HS3ST4: variants seen among roughly 807,000 people sequenced by gnomAD.
The protein encoded by HS3ST4 is heparan sulfate-glucosamine 3-sulfotransferase 4.
A neutral mutation model predicts 29.2 loss-of-function variants in HS3ST4; 17 were observed. That is an observed-to-expected ratio of 0.58 (90% CI 0.40 to 0.87). The LOEUF (loss-of-function observed/expected upper bound fraction) is 0.87, where lower values mean the gene tolerates loss of function less well. Ranked by LOEUF, HS3ST4 falls within the 40% of genes least tolerant of loss-of-function variation. The probability of loss-of-function intolerance (pLI) is 0.00; values close to 1 mark genes in which losing one functional copy is unlikely to be tolerated. For missense variants in HS3ST4, 627 were observed against 634.5 expected (o/e 0.99, Z 0.13); for synonymous variants, 314 against 285.7 (o/e 1.10, Z -1.00).
chr16:26,003,827 T>C (rs902493082), intron 1 of HS3ST4, among the ~76,000 whole-genome samples: 1 of 151,954 alleles, frequency 6.6e-6, no homozygotes, highest in African/African-American at 2.4e-5. Context: ...CAGTGCAGGG[T>C]GGGAAAAGTA....
At chr16:25,888,554 C>T (rs748797108) in intron 1 of HS3ST4, among the ~76,000 whole-genome samples, 3 of 152,210 alleles carry the variant, frequency 2.0e-5, no homozygotes, top group South Asian at 2.1e-4. Context: ...CCTTGGGCCA[C>T]GTGCACAAAC....
At chr16:26,120,063 G>GTGTGTATGTGTGTGTGTGTA (rs1899252704) in intron 1 of HS3ST4, among the ~76,000 whole-genome samples, 1 of 130,420 alleles carries the variant, frequency 7.7e-6, no homozygotes. Flanking sequence ...GTGTGTGTGT[G>GTGTGTATGTGTGTGTGTGTA]TGTGTGTATG....
At position 25,754,521 on chromosome 16, in the gene HS3ST4, CA is replaced by C. The variant is rs149796456; in HGVS notation, c.734+61371del. Among the ~76,000 whole-genome samples, 712 of 151,936 alleles carry C rather than the reference CA, an allele frequency of 4.7e-3. 2 individuals carry two copies. Among genetic ancestry groups the C allele is most frequent in the African/African-American group, 0.016 (662 of 41,456 alleles). ...CCCATTCTCATGCTGTTAATAAAGA[CA>C]TACCCAAGACTCGGTAATCTATAAA... is the stretch of plus-strand genomic sequence containing the variant. On this transcript the variant is annotated intron_variant, in intron 1 of 1. Coordinates refer to ENST00000331351, the MANE Select transcript of HS3ST4 (RefSeq NM_006040.3).
Position 25,773,602 on chromosome 16 carries a change from G to A in HS3ST4, c.734+80451G>A, listed in dbSNP as rs533665212. 3.3e-5 allele frequency among the ~76,000 whole-genome samples: 5 copies of A among 152,178 alleles called. No individual in the cohort carries two copies. The South Asian group carries it at 8.3e-4, about 25-fold the overall frequency. On this transcript the variant is annotated intron_variant, in intron 1 of 1. Coordinates refer to ENST00000331351, the MANE Select transcript of HS3ST4 (RefSeq NM_006040.3). ...TTTATCAATTTGGAGACACTTTCAAGTAGACAAACTGAAAACATCTTGAAA... is the reference window on the plus strand; with the variant it reads ...TTTATCAATTTGGAGACACTTTCAAATAGACAAACTGAAAACATCTTGAAA...
At chr16:25,733,478 G>A (rs1966586151) in intron 1 of HS3ST4, among the ~76,000 whole-genome samples, 1 of 152,188 alleles carries the variant, frequency 6.6e-6, no homozygotes, top group Admixed American at 6.5e-5. Context: ...AAGGTAGTGA[G>A]TGAGACTCTG....
At chr16:25,708,936 G>T (rs1966395008) in intron 1 of HS3ST4, among the ~76,000 whole-genome samples, 1 of 152,066 alleles carries the variant, frequency 6.6e-6, no homozygotes, top group Non-Finnish European at 1.5e-5. Flanking sequence ...TTTCAGTGGT[G>T]GTTCAAAACT....
intron 1 of HS3ST4, among the ~76,000 whole-genome samples, chr16:25,986,359 T>G (rs1415467606): frequency 2.6e-5 from 4 of 152,224 alleles, no homozygotes; most frequent in African/African-American, 9.6e-5. Context: ...AGGTTGGCTT[T>G]CTTGTTACCC....
intron 1 of HS3ST4, among the ~76,000 whole-genome samples, chr16:25,885,949 T>C (rs988309987): frequency 1.3e-5 from 2 of 150,454 alleles, no homozygotes; most frequent in East Asian, 2.0e-4. Flanking sequence ...CAAGAAATAA[T>C]AGAAATTAGA....
chr16:26,036,003 T>G (rs918743331), intron 1 of HS3ST4, among the ~76,000 whole-genome samples: 3 of 152,174 alleles, frequency 2.0e-5, no homozygotes, highest in Non-Finnish European at 4.4e-5. Flanking sequence ...ACAGCAGGTG[T>G]TCACTGAAAG....
chr16:25,906,170 G>T (rs889059266), intron 1 of HS3ST4, among the ~76,000 whole-genome samples: 2 of 152,114 alleles, frequency 1.3e-5, no homozygotes, highest in African/African-American at 4.8e-5. Context: ...TGAGATTTGG[G>T]GATCTTTTGT....
intron 1 of HS3ST4, among the ~76,000 whole-genome samples, chr16:25,883,688 G>A (rs1967917524): frequency 6.6e-6 from 1 of 152,156 alleles, no homozygotes; most frequent in Non-Finnish European, 1.5e-5. Context: ...AATAAGCTGA[G>A]CATTTTATAT....
intron 1 of HS3ST4, among the ~76,000 whole-genome samples, chr16:25,976,838 T>C (rs1968948295): frequency 6.6e-6 from 1 of 152,192 alleles, no homozygotes; most frequent in Admixed American, 6.5e-5. Context: ...GCTCCGGCAG[T>C]GCAAGAGGAG....
At chr16:26,098,486 A>T (rs1354847628) in intron 1 of HS3ST4, among the ~76,000 whole-genome samples, 2 of 152,226 alleles carry the variant, frequency 1.3e-5, no homozygotes, top group Non-Finnish European at 2.9e-5. Context: ...TCACAAGGAC[A>T]GAAAACTGAA....
intron 1 of HS3ST4, among the ~76,000 whole-genome samples, chr16:26,099,092 A>T (rs1204060766): frequency 6.6e-6 from 1 of 152,184 alleles, no homozygotes; most frequent in Non-Finnish European, 1.5e-5. Flanking sequence ...TATTTCAGAG[A>T]TCAGAAAACA....
chr16:26,013,046 C>G (rs532382290), intron 1 of HS3ST4, among the ~76,000 whole-genome samples: 1 of 152,094 alleles, frequency 6.6e-6, no homozygotes, highest in East Asian at 1.9e-4. Flanking sequence ...GCCTGTAATC[C>G]CAGCTACTCG....
chr16:25,876,668 G>T (rs1377280576), intron 1 of HS3ST4, among the ~76,000 whole-genome samples: 1 of 152,108 alleles, frequency 6.6e-6, no homozygotes, highest in Non-Finnish European at 1.5e-5. Context: ...TCAATCAACA[G>T]TGCTGGGAAT....
chr16:25,997,154 A>G (rs1969165264), intron 1 of HS3ST4, among the ~76,000 whole-genome samples: 1 of 152,312 alleles, frequency 6.6e-6, no homozygotes, highest in South Asian at 2.1e-4. Flanking sequence ...TTACAATAAT[A>G]TCAGCAAAGA....
At chr16:25,717,629 T>G (rs1966464768) in intron 1 of HS3ST4, among the ~76,000 whole-genome samples, 1 of 150,778 alleles carries the variant, frequency 6.6e-6, no homozygotes, top group Admixed American at 6.7e-5. Context: ...CTGGAAAAAC[T>G]AAAAGCTCAG....
chr16:25,703,145 G>A lies in HS3ST4; in HGVS notation c.734+9994G>A, dbSNP rs527552103. Among the ~76,000 whole-genome samples the A allele has an allele frequency of 8.5e-5, 13 of 152,152 alleles. No individual in the cohort carries two copies. The East Asian group carries it at 2.1e-3, about 25-fold the overall frequency. Reference sequence around the variant, plus strand: ...CTGTACTCCAGCCAGCCTGGTGACAGAGCAAGAGTCTGTCTCAAAACAAAC... The same window carrying A: ...CTGTACTCCAGCCAGCCTGGTGACAAAGCAAGAGTCTGTCTCAAAACAAAC... On this transcript the variant is annotated intron_variant, in intron 1 of 1. Coordinates refer to ENST00000331351, the MANE Select transcript of HS3ST4 (RefSeq NM_006040.3).
Sources: allele counts gnomAD v4.1 joint callset (sites outside exome capture counted in the v4.1 genomes callset), GRCh38; gene constraint gnomAD v4.1.1; transcripts MANE v1.5; gene names NCBI Gene and HGNC (gene_info 2026-07-23, HGNC 2026-07-21).